ACTR3C: variants seen among roughly 807,000 people sequenced by gnomAD.
ACTR3C encodes actin related protein 3C, also known as actin-related protein 3C.
Under a neutral mutation model 26.3 loss-of-function variants are expected in ACTR3C, and 18 were observed. That is an observed-to-expected ratio of 0.68 (90% CI 0.47 to 1.01). The LOEUF (loss-of-function observed/expected upper bound fraction) is 1.01. ACTR3C is among the 50% of genes least tolerant of loss of function. The pLI is 0.00. For missense variants in ACTR3C, 184 were observed against 250.7 expected, an observed-to-expected ratio of 0.73 and a Z score of 1.80; for synonymous variants, 55 against 94.5, an observed-to-expected ratio of 0.58 and a Z score of 2.42.
the ACTR3C span, among the ~76,000 whole-genome samples, chr7:150,003,557 A>T: frequency 2.0e-5 from 3 of 152,296 alleles, no homozygotes; most frequent in Admixed American, 6.5e-5. Flanking sequence ...TGTGGTATGT[A>T]GGATGTGTGT....
chr7:150,309,614 G>T (rs1375883100), intron 1 of ACTR3C, among the ~76,000 whole-genome samples: 2 of 152,180 alleles, frequency 1.3e-5, no homozygotes, highest in African/African-American at 4.8e-5. Flanking sequence ...TCCTCCTCAT[G>T]GACCTTGATT....
At chr7:150,201,314 G>A in the ACTR3C span, among the ~76,000 whole-genome samples, 2 of 152,260 alleles carry the variant, frequency 1.3e-5, no homozygotes, top group South Asian at 4.1e-4. Flanking sequence ...TACATACAGA[G>A]CTCTCAACAC....
intron 6 of ACTR3C, among the ~76,000 whole-genome samples, chr7:150,263,036 C>T (rs564364691): frequency 9.9e-5 from 15 of 152,192 alleles, no homozygotes; most frequent in African/African-American, 3.6e-4. Flanking sequence ...TGAGATGTAA[C>T]GAACTAGAAG....
At chr7:150,083,094 T>G in the ACTR3C span, among the ~76,000 whole-genome samples, 1 of 151,076 alleles carries the variant, frequency 6.6e-6, no homozygotes, top group African/African-American at 2.4e-5. Context: ...TACAGGCACA[T>G]ACCACCATGC....
At chr7:150,115,052 C>T in the ACTR3C span, among the ~76,000 whole-genome samples, 6 of 152,168 alleles carry the variant, frequency 3.9e-5, no homozygotes, top group Admixed American at 1.3e-4. Context: ...CCAAATCCCA[C>T]GTCTAGGAAA....
At chr7:150,233,541 T>C in the ACTR3C span, among the ~76,000 whole-genome samples, 2 of 151,638 alleles carry the variant, frequency 1.3e-5, no homozygotes, top group Non-Finnish European at 2.9e-5. Context: ...ATGTATATTA[T>C]ACTTTCGAAA....
At chr7:150,100,795 C>T in the ACTR3C span, among the ~76,000 whole-genome samples, 1 of 151,334 alleles carries the variant, frequency 6.6e-6, no homozygotes, top group Non-Finnish European at 1.5e-5. Context: ...CCTCCCCCTC[C>T]CCGGGCTCAA....
At chr7:150,299,367 C>T (rs1200306384) in intron 1 of ACTR3C, among the ~76,000 whole-genome samples, 1 of 149,158 alleles carries the variant, frequency 6.7e-6, no homozygotes, top group Admixed American at 6.7e-5. Flanking sequence ...AGGAGGATCA[C>T]TCCAGCCCAG....
the ACTR3C span, among the ~76,000 whole-genome samples, chr7:150,029,513 G>A: frequency 1.3e-5 from 2 of 151,880 alleles, no homozygotes; most frequent in South Asian, 2.1e-4. Context: ...GTTGCAGTGA[G>A]CTATGATCAT....
chr7:150,088,314 A>G, the ACTR3C span, among the ~76,000 whole-genome samples: 1 of 152,198 alleles, frequency 6.6e-6, no homozygotes, highest in South Asian at 2.1e-4. Flanking sequence ...ATTTTCTCGA[A>G]TTTCCATCTG....
the ACTR3C span, among the ~76,000 whole-genome samples, chr7:149,887,529 C>T: frequency 1.3e-5 from 2 of 152,186 alleles, no homozygotes; most frequent in Non-Finnish European, 1.5e-5. Flanking sequence ...GCAGGCTGGA[C>T]GTACCATCAG....
the ACTR3C span, among the ~76,000 whole-genome samples, chr7:150,129,140 A>G: frequency 6.6e-6 from 1 of 151,910 alleles, no homozygotes; most frequent in Non-Finnish European, 1.5e-5. Context: ...ACAAACACTA[A>G]ATAATCACAC....
the ACTR3C span, among the ~76,000 whole-genome samples, chr7:150,046,206 C>G: frequency 1.3e-5 from 2 of 151,996 alleles, no homozygotes; most frequent in Admixed American, 6.6e-5. Context: ...ACATCTCCCA[C>G]AAAGTTTTGT....
chr7:150,222,983 T>C, the ACTR3C span, among the ~76,000 whole-genome samples: 3 of 152,258 alleles, frequency 2.0e-5, no homozygotes, highest in African/African-American at 7.2e-5. Flanking sequence ...TGTGGTATAA[T>C]GTATAGTAAA....
At chr7:150,032,423 G>T in the ACTR3C span, among the ~76,000 whole-genome samples, 3 of 152,178 alleles carry the variant, frequency 2.0e-5, no homozygotes, top group East Asian at 5.8e-4. Flanking sequence ...CAACGTGCTT[G>T]CGGTGCAGGC....
chr7:150,257,925 C>T (rs1290830498), intron 6 of ACTR3C, among the ~76,000 whole-genome samples: 1 of 152,034 alleles, frequency 6.6e-6, no homozygotes, highest in Admixed American at 6.5e-5. Flanking sequence ...CACTCAACAA[C>T]ATCATGAAGA....
the ACTR3C span, among the ~76,000 whole-genome samples, chr7:150,018,777 T>C: frequency 6.6e-6 from 1 of 150,542 alleles, no homozygotes; most frequent in Middle Eastern, 3.4e-3. Context: ...CTAAATGAGC[T>C]TGGGAATAAC....
chr7:150,313,746 GGA>G (rs1262359685), intron 1 of ACTR3C, among the ~76,000 whole-genome samples: 2 of 152,132 alleles, frequency 1.3e-5, no homozygotes, highest in Non-Finnish European at 2.9e-5. Flanking sequence ...CTAGAAAGAG[GGA>G]GAGAGGGGGA....
At chr7:150,093,407 G>A in the ACTR3C span, among the ~76,000 whole-genome samples, 7 of 151,248 alleles carry the variant, frequency 4.6e-5, no homozygotes, top group Non-Finnish European at 7.4e-5. Context: ...ACTCACAGAC[G>A]TTGAGTGAAT....
Sources: allele counts gnomAD v4.1 joint callset (sites outside exome capture counted in the v4.1 genomes callset), GRCh38; gene constraint gnomAD v4.1.1; transcripts MANE v1.5; gene names NCBI Gene and HGNC (gene_info 2026-07-23, HGNC 2026-07-21).